The following PHF24 variants were observed in gnomAD, a reference collection of about 807,000 sequenced individuals.
PHF24 encodes the protein PHD finger protein 24.
In PHF24, 25 loss-of-function variants were observed where a neutral mutation model predicts 42.6. The ratio of observed to expected loss-of-function variants is 0.59; its 90% CI spans 0.43 to 0.82. The LOEUF (loss-of-function observed/expected upper bound fraction) is 0.82. PHF24 is among the 40% of genes least tolerant of loss of function. PHF24 has a pLI of 0.00. For missense variants in PHF24, 470 were observed against 538.1 expected (o/e 0.87, Z 1.25); for synonymous variants, 185 against 204.8 (o/e 0.90, Z 0.83).
the PHF24 span, among the ~76,000 whole-genome samples, chr9:34,770,434 C>T: frequency 6.6e-6 from 1 of 152,088 alleles, no homozygotes; most frequent in Non-Finnish European, 1.5e-5. Flanking sequence ...CAAAATAGTA[C>T]AATTCCTGTG....
At chr9:34,830,757 G>A in the PHF24 span, among the ~76,000 whole-genome samples, 2 of 152,156 alleles carry the variant, frequency 1.3e-5, no homozygotes, top group African/African-American at 4.8e-5. Flanking sequence ...CTGTAGGAGG[G>A]ACTTTGTTTA....
chr9:34,865,539 G>T, the PHF24 span, among the ~76,000 whole-genome samples: 2 of 152,042 alleles, frequency 1.3e-5, no homozygotes, highest in Admixed American at 1.3e-4. Flanking sequence ...ACTCCAGCCT[G>T]AGTGACAAAG....
At chr9:34,709,896 G>C in the PHF24 span, 1 of 1,614,190 alleles carries the variant, frequency 6.2e-7, no homozygotes, top group Non-Finnish European at 8.5e-7. Context: ...CTCCATCACT[G>C]CCTGCAGGGT....
At chr9:34,727,866 T>C in the PHF24 span, among the ~76,000 whole-genome samples, 1 of 152,168 alleles carries the variant, frequency 6.6e-6, no homozygotes. Context: ...TGAACCCCAC[T>C]CTTCCCTGGC....
At chr9:34,922,266 T>C in the PHF24 span, 1 of 1,592,184 alleles carries the variant, frequency 6.3e-7, no homozygotes, top group Non-Finnish European at 8.6e-7. Context: ...TCTCAGTAAT[T>C]GCATTATTAG....
At chr9:34,724,766 A>C in the PHF24 span, 3 of 1,551,802 alleles carry the variant, frequency 1.9e-6, no homozygotes, top group South Asian at 3.6e-5. Flanking sequence ...CATCTGAATC[A>C]GAGGCTCTGC....
intron 1 of PHF24, among the ~76,000 whole-genome samples, chr9:34,964,974 G>C (rs1167920728): frequency 2.6e-5 from 4 of 152,116 alleles, no homozygotes; most frequent in African/African-American, 9.7e-5. Context: ...GAAACCCCCA[G>C]TCCCACCCAC....
the PHF24 span, among the ~76,000 whole-genome samples, chr9:34,843,581 G>A: frequency 8.5e-4 from 129 of 152,186 alleles, 1 homozygote; most frequent in Admixed American, 2.2e-3. Context: ...TTTAGAATAC[G>A]TTTTTCAATT....
the PHF24 span, among the ~76,000 whole-genome samples, chr9:34,887,604 T>C: frequency 6.6e-6 from 1 of 152,190 alleles, no homozygotes; most frequent in Admixed American, 6.5e-5. Flanking sequence ...CCACGTGGTT[T>C]ACTCGCTTAT....
At chr9:34,828,083 C>G in the PHF24 span, among the ~76,000 whole-genome samples, 1 of 151,998 alleles carries the variant, frequency 6.6e-6, no homozygotes, top group Non-Finnish European at 1.5e-5. Context: ...CAGAATCCCT[C>G]TCTACCTCCT....
At chr9:34,843,024 C>T in the PHF24 span, among the ~76,000 whole-genome samples, 2 of 152,196 alleles carry the variant, frequency 1.3e-5, no homozygotes, top group South Asian at 4.1e-4. Flanking sequence ...TATGGTGAAG[C>T]TTTGTACAAA....
the PHF24 span, among the ~76,000 whole-genome samples, chr9:34,766,211 G>T: frequency 6.6e-6 from 1 of 152,108 alleles, no homozygotes; most frequent in African/African-American, 2.4e-5. Flanking sequence ...GTATCTTTGT[G>T]GTGTTCTCTG....
At chr9:34,694,232 C>T in the PHF24 span, among the ~76,000 whole-genome samples, 1 of 139,988 alleles carries the variant, frequency 7.1e-6, no homozygotes, top group Non-Finnish European at 1.5e-5. Context: ...TGCAGTGGCA[C>T]AGTCTCAGCT....
the PHF24 span, chr9:34,691,128 T>G: frequency 6.2e-7 from 1 of 1,613,366 alleles, no homozygotes; most frequent in South Asian, 1.1e-5. Flanking sequence ...TGAGGGCCAG[T>G]AGCAGGGCCA....
chr9:34,734,236 C>T, the PHF24 span, among the ~76,000 whole-genome samples: 1 of 152,190 alleles, frequency 6.6e-6, no homozygotes, highest in Non-Finnish European at 1.5e-5. Context: ...CACTTCCCTC[C>T]CATCAAGCTT....
chr9:34,867,765 CTA>C, the PHF24 span, among the ~76,000 whole-genome samples: 1 of 152,136 alleles, frequency 6.6e-6, no homozygotes, highest in South Asian at 2.1e-4. Flanking sequence ...TGGTCAACTT[CTA>C]TGTTAGGTAT....
the PHF24 span, chr9:34,724,249 C>T: frequency 4.0e-4 from 625 of 1,549,894 alleles, 2 homozygotes; most frequent in African/African-American, 4.7e-3. Context: ...CCCCACTGGG[C>T]TGTGAGATCT....
At chr9:34,832,544 G>C in the PHF24 span, 1 of 1,532,180 alleles carries the variant, frequency 6.5e-7, no homozygotes, top group Non-Finnish European at 8.8e-7. Flanking sequence ...CTGGAGCCAG[G>C]CTCTTTGCAA....
At chr9:34,755,306 A>G in the PHF24 span, among the ~76,000 whole-genome samples, 19,847 of 152,204 alleles carry the variant, frequency 0.13, 1,419 homozygotes, top group Middle Eastern at 0.26. Flanking sequence ...GTATAAAAAT[A>G]TCTCATATAT....
Sources: allele counts gnomAD v4.1 joint callset (sites outside exome capture counted in the v4.1 genomes callset), GRCh38; gene constraint gnomAD v4.1.1; transcripts MANE v1.5; gene names NCBI Gene and HGNC (gene_info 2026-07-23, HGNC 2026-07-21).